Variants in RICTOR observed in about 807,000 individuals in gnomAD.
RICTOR encodes the protein RPTOR independent companion of MTOR complex 2, also known as rapamycin-insensitive companion of mTOR.
Under a neutral mutation model 214.9 loss-of-function variants are expected in RICTOR, and 49 were observed. The ratio of observed to expected loss-of-function variants is 0.23; its 90% CI spans 0.18 to 0.29. The LOEUF is 0.29. Among genes scored for constraint, RICTOR ranks in the 10% least tolerant of loss-of-function variants. RICTOR has a pLI of 1.00. For missense variants in RICTOR, 1,625 were observed against 2,047.0 expected (o/e 0.79, Z 3.98); for synonymous variants, 717 against 711.3 (o/e 1.01, Z -0.13).
chr5:39,005,017 G>T (rs1753940423), intron 3 of RICTOR, among the ~76,000 whole-genome samples: 1 of 152,150 alleles, frequency 6.6e-6, no homozygotes, highest in African/African-American at 2.4e-5. Flanking sequence ...CCGACCTCAG[G>T]TGATCCGCCC....
chr5:39,010,195 G>A (rs1311592118), intron 3 of RICTOR, among the ~76,000 whole-genome samples: 2 of 152,142 alleles, frequency 1.3e-5, no homozygotes, highest in Admixed American at 6.5e-5. Context: ...AGATCTGATG[G>A]TTTTATGAGA....
intron 2 of RICTOR, among the ~76,000 whole-genome samples, chr5:39,034,062 G>T (rs894873775): frequency 6.6e-6 from 1 of 151,822 alleles, no homozygotes; most frequent in Non-Finnish European, 1.5e-5. Flanking sequence ...ATAATTAACG[G>T]AAGAAAAAAA....
chr5:39,029,597 T>C (rs1287384236), intron 2 of RICTOR, among the ~76,000 whole-genome samples: 1 of 152,174 alleles, frequency 6.6e-6, no homozygotes, highest in East Asian at 1.9e-4. Context: ...ACTGATGGCA[T>C]GCACATGCTA....
chr5:38,975,858 A>T (rs1287802131), intron 9 of RICTOR, among the ~76,000 whole-genome samples: 2 of 152,208 alleles, frequency 1.3e-5, no homozygotes, highest in African/African-American at 4.8e-5. Flanking sequence ...TGCTCCCTGA[A>T]AACTATTCTT....
rs1337212891 is a variant in RICTOR, at chr5:38,990,610, T to TATCAC, written c.583+338_583+339insGTGAT. On this transcript the variant is annotated intron_variant, in intron 7 of 37. Transcript: ENST00000357387. ...CATGATATATACGATATATATGATA[T>TATCAC]ATATACGATATATGATATATATATC... Among the ~76,000 whole-genome samples, 16 of 116,570 alleles carry TATCAC rather than the reference T, an allele frequency of 1.4e-4. 1 individual carries two copies. The highest frequency in any genetic ancestry group is 4.9e-4 in the African/African-American group (15 of 30,322). 76.5% of individuals were successfully genotyped at this position (116,570 alleles called of 152,430 possible).
rs1398401618 is a variant in RICTOR at position 38,941,925 on chromosome 5, A to T, written c.*379T>A. The T allele has an allele frequency of 1.7e-5, 4 of 236,304 alleles. No individual in the cohort carries two copies. The highest frequency in any genetic ancestry group is 3.3e-5 in the Non-Finnish European group (4 of 120,082). 14.6% of individuals were successfully genotyped at this position (236,304 alleles called of 1,614,324 possible). On this transcript the variant is annotated 3_prime_UTR_variant, in exon 38 of 38. Transcript: ENST00000357387. ...GGCATCTGTATTATTTACCCTAAAAATCATTCAGAAATAACTTGTGAAGGG... is the reference window on the plus strand; with the variant it reads ...GGCATCTGTATTATTTACCCTAAAATTCATTCAGAAATAACTTGTGAAGGG...
At position 38,959,105 on chromosome 5, in the gene RICTOR, T is replaced by G. The variant is rs1444758642; in HGVS notation, c.2178+90A>C. ...AGTAAACTCAATTTCCATATCATAT[T>G]CTTAGAACTTAATTTTACTTAGCCC... On this transcript the variant is annotated intron_variant, in intron 22 of 37. Coordinates refer to ENST00000357387, the MANE Select transcript of RICTOR (RefSeq NM_152756.5). The G allele has an allele frequency of 6.9e-6, 7 of 1,019,406 alleles. No individual in the cohort carries two copies. The African/African-American group carries it at 1.0e-4, about 14-fold the overall frequency. The allele number at this position is 1,019,406 out of a possible 1,614,324, so 63.1% of individuals were successfully genotyped here. A position where few individuals can be genotyped will look rare whatever the true frequency, so the allele number is the denominator to read the frequency against.
chr5:38,942,488 C>G, intron 37 of RICTOR, 110 bp from the exon 38 acceptor site: 2 of 514,714 alleles, frequency 3.9e-6, no homozygotes, highest in South Asian at 4.9e-5. Context: ...CTTGCTCAGT[C>G]TTCCCAGGAT....
At chr5:38,977,158 G>A (rs7726962) in intron 9 of RICTOR, among the ~76,000 whole-genome samples, 145,399 of 152,244 alleles carry the variant, frequency 0.96, 69,564 homozygotes, top group East Asian at 0.99. Flanking sequence ...GAAGGTGAAA[G>A]TAGGCCCCAG....
chr5:39,047,655 A>T (rs192067735), intron 2 of RICTOR, among the ~76,000 whole-genome samples: 132 of 152,332 alleles, frequency 8.7e-4, no homozygotes, highest in African/African-American at 3.1e-3. Context: ...ATGACTAGAC[A>T]CACTGAGACA....
intron 3 of RICTOR, among the ~76,000 whole-genome samples, chr5:39,018,060 C>T (rs758330577): frequency 2.0e-5 from 3 of 152,064 alleles, no homozygotes; most frequent in East Asian, 1.9e-4. Context: ...GTGGGGGGAA[C>T]GTTATCCCAA....
In RICTOR at chr5:38,941,936, A is replaced by G. The variant is rs532571383; in HGVS notation, c.*368T>C. ...TATTTACCCTAAAAATCATTCAGAA[A>G]TAACTTGTGAAGGGTGCTTCTGCAT... On this transcript the variant is annotated 3_prime_UTR_variant, in exon 38 of 38. Transcript: ENST00000357387. 6 of 238,090 alleles carry G rather than the reference A, an allele frequency of 2.5e-5. No individual in the cohort carries two copies. In the Admixed American group the frequency reaches 2.8e-4, roughly 11 times the overall value. 14.7% of individuals were successfully genotyped at this position (238,090 alleles called of 1,614,324 possible).
chr5:39,074,237 C>A lies in RICTOR; in HGVS notation c.50-79G>T, dbSNP rs1759550945. ...GGCTGCCCTGGCTCCGGCCAGCGCC[C>A]CGGCTCGCTCCCCAACCCAGGGCCA... On this transcript the variant is annotated intron_variant, in intron 1 of 37. Coordinates refer to ENST00000357387, the MANE Select transcript of RICTOR (RefSeq NM_152756.5). 32 of 1,580,336 alleles carry A rather than the reference C, an allele frequency of 2.0e-5. No individual in the cohort carries two copies. The South Asian group carries it at 3.4e-4, about 17-fold the overall frequency.
At position 38,978,655 on chromosome 5, in the gene RICTOR, T is replaced by C; in HGVS notation, c.754-5A>G. On this transcript the variant is annotated splice_region_variant and splice_polypyrimidine_tract_variant and intron_variant, in intron 8 of 37. Coordinates refer to ENST00000357387, the MANE Select transcript of RICTOR (RefSeq NM_152756.5). ...AGTATAGGGTGCTAAAATTCTCTAT[T>C]TAAAAAAAAAAAGGAAGAAAAGAGT... The C allele has an allele frequency of 6.9e-7, 1 of 1,453,098 alleles. No homozygotes were observed. Among genetic ancestry groups the C allele is most frequent in the South Asian group, 1.2e-5 (1 of 82,792 alleles). 90.0% of individuals were successfully genotyped at this position (1,453,098 alleles called of 1,614,324 possible). A position where few individuals can be genotyped will look rare whatever the true frequency, so the allele number is the denominator to read the frequency against.
chr5:39,060,735 T>C (rs967414113), intron 2 of RICTOR, among the ~76,000 whole-genome samples: 16 of 152,178 alleles, frequency 1.1e-4, no homozygotes, highest in African/African-American at 2.9e-4. Context: ...ACCTGGTTCC[T>C]GGGGGTTCCA....
intron 6 of RICTOR, among the ~76,000 whole-genome samples, chr5:38,993,183 A>G (rs569584753): frequency 7.9e-5 from 12 of 152,338 alleles, no homozygotes; most frequent in African/African-American, 2.9e-4. Context: ...GAAATTTTGC[A>G]GAAGAGGGTT....
Position 39,023,764 on chromosome 5 carries a change from T to A in RICTOR, c.98-2628A>T, listed in dbSNP as rs1169400262. On this transcript the variant is annotated intron_variant, in intron 2 of 37. Transcript: ENST00000357387. ...GCTTTAAATTTAGCTTGCGTCTGCC[T>A]ACCTTACTCCATTCTGTTATACTGG... Among the ~76,000 whole-genome samples the A allele has an allele frequency of 2.6e-5, 4 of 152,342 alleles. 1 individual carries two copies. Among genetic ancestry groups the A allele is most frequent in the Admixed American group, 2.6e-4 (4 of 15,308 alleles).
At chr5:39,065,351 C>G (rs1281879953) in intron 2 of RICTOR, among the ~76,000 whole-genome samples, 1 of 152,166 alleles carries the variant, frequency 6.6e-6, no homozygotes, top group Non-Finnish European at 1.5e-5. Flanking sequence ...GGATCCACTC[C>G]CATGACCCAA....
intron 7 of RICTOR, among the ~76,000 whole-genome samples, 146 bp downstream of exon 7, chr5:38,990,792 GATATATGATAT>G (rs1447491420): frequency 1.1e-5 from 1 of 91,320 alleles, no homozygotes; most frequent in African/African-American, 4.3e-5. Context: ...AGATATATGA[GATATATGATAT>G]ATATGAGATA....
Sources: gnomAD v4.1 joint callset for allele counts (sites outside exome capture counted in the v4.1 genomes callset) on GRCh38, gnomAD v4.1.1 for gene constraint, MANE v1.5 for transcripts, NCBI Gene and HGNC (gene_info 2026-07-23, HGNC 2026-07-21) for gene names.